PTPRD: variants seen among roughly 807,000 people sequenced by gnomAD.
PTPRD encodes receptor-type tyrosine-protein phosphatase delta.
PTPRD carries 34 observed loss-of-function variants against 214.5 expected under a neutral mutation model. The ratio of observed to expected loss-of-function variants is 0.16; its 90% CI spans 0.12 to 0.21. PTPRD has a LOEUF of 0.21. PTPRD is among the 10% of genes least tolerant of loss of function. PTPRD has a pLI of 1.00. For synonymous variants in PTPRD, 1,128 were observed against 845.7 expected (o/e 1.33, Z -5.79); for missense variants, 2,545 against 2,398.7 (o/e 1.06, Z -1.27).
chr9:9,356,058 G>A (rs986299431), intron 9 of PTPRD, among the ~76,000 whole-genome samples: 1 of 151,280 alleles, frequency 6.6e-6, no homozygotes, highest in Non-Finnish European at 1.5e-5. Flanking sequence ...GAATGATGGA[G>A]TAAAAGCCTA....
intron 10 of PTPRD, among the ~76,000 whole-genome samples, chr9:9,058,608 C>T (rs1463590159): frequency 1.3e-5 from 2 of 150,988 alleles, no homozygotes; most frequent in South Asian, 2.1e-4. Flanking sequence ...CGCCACCTCG[C>T]CCGGCTAATT....
intron 20 of PTPRD, 44 bp from the exon 21 acceptor site, chr9:8,518,473 TATA>T (rs2097826146): frequency 3.0e-6 from 4 of 1,331,132 alleles, no homozygotes; most frequent in Admixed American, 2.3e-5. Flanking sequence ...CCATCATCCC[TATA>T]ATATTTCAAA....
At chr9:10,128,688 G>C (rs900706247) in intron 3 of PTPRD, among the ~76,000 whole-genome samples, 2 of 152,118 alleles carry the variant, frequency 1.3e-5, no homozygotes, top group African/African-American at 4.8e-5. Flanking sequence ...TTCAATGCCT[G>C]TTTTCTCTCT....
intron 2 of PTPRD, among the ~76,000 whole-genome samples, chr9:10,348,534 A>G (rs911865848): frequency 1.3e-5 from 2 of 152,198 alleles, no homozygotes; most frequent in African/African-American, 4.8e-5. Flanking sequence ...TCTTCTGAGT[A>G]ATATTCCCTT....
At chr9:9,594,627 C>T (rs1448061547) in intron 7 of PTPRD, among the ~76,000 whole-genome samples, 1 of 152,080 alleles carries the variant, frequency 6.6e-6, no homozygotes, top group Non-Finnish European at 1.5e-5. Context: ...TCCCATTGGT[C>T]TGTGTGCCTA....
intron 9 of PTPRD, among the ~76,000 whole-genome samples, chr9:9,191,715 G>T (rs1278263291): frequency 6.6e-6 from 1 of 151,790 alleles, no homozygotes; most frequent in Non-Finnish European, 1.5e-5. Context: ...TGAACCAAAA[G>T]CCATTTAAGA....
intron 5 of PTPRD, among the ~76,000 whole-genome samples, chr9:9,791,643 G>A (rs931413237): frequency 6.6e-6 from 1 of 152,080 alleles, no homozygotes; most frequent in African/African-American, 2.4e-5. Context: ...TATTTGCAGG[G>A]AGGAAGAATC....
At chr9:8,957,780 T>G (rs1489850083) in intron 11 of PTPRD, among the ~76,000 whole-genome samples, 10 of 151,846 alleles carry the variant, frequency 6.6e-5, no homozygotes, top group Non-Finnish European at 1.0e-4. Flanking sequence ...TCTCATATCT[T>G]AGTGGCCTAA....
intron 9 of PTPRD, among the ~76,000 whole-genome samples, chr9:9,320,032 A>G (rs1965638144): frequency 6.6e-6 from 1 of 152,174 alleles, no homozygotes; most frequent in African/African-American, 2.4e-5. Flanking sequence ...TTCATCACTA[A>G]TGTTTGAAAA....
intron 9 of PTPRD, among the ~76,000 whole-genome samples, chr9:9,215,814 G>C (rs866002195): frequency 1.3e-5 from 2 of 152,116 alleles, no homozygotes; most frequent in Non-Finnish European, 2.9e-5. Flanking sequence ...ATCAAGAATT[G>C]TGCTAGGGAG....
chr9:9,045,306 C>T (rs1298311300), intron 10 of PTPRD, among the ~76,000 whole-genome samples: 1 of 152,086 alleles, frequency 6.6e-6, no homozygotes, highest in Non-Finnish European at 1.5e-5. Flanking sequence ...GCTCTTCATT[C>T]TTATGGATGA....
chr9:10,044,284 A>G (rs2154145536), intron 3 of PTPRD, among the ~76,000 whole-genome samples: 1 of 151,988 alleles, frequency 6.6e-6, no homozygotes, highest in African/African-American at 2.4e-5. Context: ...AGGACATAAT[A>G]GATTATCATC....
chr9:8,664,484 T>A (rs1216064732), intron 12 of PTPRD, among the ~76,000 whole-genome samples: 3 of 152,190 alleles, frequency 2.0e-5, no homozygotes, highest in Non-Finnish European at 4.4e-5. Flanking sequence ...GATATCAAAC[T>A]GCACACCAAG....
At chr9:10,092,038 C>A (rs417577) in intron 3 of PTPRD, among the ~76,000 whole-genome samples, 1 of 150,610 alleles carries the variant, frequency 6.6e-6, no homozygotes, top group East Asian at 2.0e-4. Context: ...TGTCCACAAG[C>A]TTAAAAATGA....
intron 2 of PTPRD, among the ~76,000 whole-genome samples, chr9:10,446,180 G>A (rs1321049530): frequency 3.3e-5 from 5 of 152,004 alleles, no homozygotes; most frequent in African/African-American, 1.2e-4. Flanking sequence ...CAGGTAGTCC[G>A]AGATAAAAAT....
At chr9:9,089,890 A>G (rs886989148) in intron 10 of PTPRD, among the ~76,000 whole-genome samples, 26 of 152,202 alleles carry the variant, frequency 1.7e-4, no homozygotes, top group Non-Finnish European at 2.6e-4. Flanking sequence ...TGTTTGAAAA[A>G]TGAAAAGAGA....
intron 3 of PTPRD, among the ~76,000 whole-genome samples, chr9:10,145,860 A>G (rs971446394): frequency 6.6e-6 from 1 of 152,114 alleles, no homozygotes; most frequent in East Asian, 1.9e-4. Context: ...TGGCAAAATG[A>G]AAATTATTCA....
chr9:9,951,557 C>G (rs1264285139), intron 4 of PTPRD, among the ~76,000 whole-genome samples: 1 of 152,202 alleles, frequency 6.6e-6, no homozygotes, highest in Admixed American at 6.5e-5. Context: ...ACAGCACCCC[C>G]CAATGTTTCT....
intron 30 of PTPRD, among the ~76,000 whole-genome samples, chr9:8,475,751 A>T (rs1008104526): frequency 2.0e-5 from 3 of 152,044 alleles, no homozygotes; most frequent in Non-Finnish European, 4.4e-5. Flanking sequence ...GTCATACTTA[A>T]TCTATTGCTA....
Sources: allele counts gnomAD v4.1 joint callset (sites outside exome capture counted in the v4.1 genomes callset), GRCh38; gene constraint gnomAD v4.1.1; transcripts MANE v1.5; gene names NCBI Gene and HGNC (gene_info 2026-07-23, HGNC 2026-07-21).